Variants in FYB1 observed in about 807,000 individuals in gnomAD.
FYB1 encodes the protein FYN-binding protein 1.
In FYB1, 41 loss-of-function variants were observed where a neutral mutation model predicts 94.1. That is an observed-to-expected ratio of 0.44 (90% CI 0.34 to 0.57). The LOEUF is 0.57. Among genes scored for constraint, FYB1 ranks in the 20% least tolerant of loss-of-function variants. FYB1 has a pLI of 0.02. For missense variants in FYB1, 1,050 were observed against 976.8 expected (o/e 1.07, Z -1.00); for synonymous variants, 367 against 353.2 (o/e 1.04, Z -0.44).
chr5:39,154,569 C>T (rs376791400), intron 2 of FYB1, among the ~76,000 whole-genome samples: 2 of 150,418 alleles, frequency 1.3e-5, no homozygotes, highest in Non-Finnish European at 2.9e-5. Flanking sequence ...TGCAGCGGTG[C>T]GATCTCGGCT....
chr5:39,234,306 T>C (rs763463), intron 1 of FYB1, among the ~76,000 whole-genome samples: 1 of 151,886 alleles, frequency 6.6e-6, no homozygotes, highest in African/African-American at 2.4e-5. Flanking sequence ...TGGAGACACA[T>C]TTGTGAATCT....
chr5:39,178,214 A>G (rs977594247), intron 2 of FYB1, among the ~76,000 whole-genome samples: 18 of 152,208 alleles, frequency 1.2e-4, no homozygotes, highest in Admixed American at 6.5e-4. Context: ...ACTGTCTCAA[A>G]GACTTTATAA....
At chr5:39,219,857 T>C (rs1379096223), upstream of FYB1, among the ~76,000 whole-genome samples, 2 of 152,146 alleles carry the variant, frequency 1.3e-5, no homozygotes, top group Non-Finnish European at 2.9e-5. Flanking sequence ...CCATAATCTT[T>C]CCACACACCC....
At position 39,108,257 on chromosome 5, in the gene FYB1, C is replaced by T; in HGVS notation, c.2441G>A (p.Gly814Glu). ...ATCAGCAATATCATCATAGATCTCTCCATCACTGTAAATGTAAAAAAAAAT... is the reference window on the plus strand; with the variant it reads ...ATCAGCAATATCATCATAGATCTCTTCATCACTGTAAATGTAAAAAAAAAT... ...VLRSYLADND[G>E]EIYDDIADGC... The change falls in exon 18 of 19, where the codon GGA becomes GAA. Residue 814 changes from glycine to glutamate, a missense_variant. Gly to Glu is a moderately conservative substitution (Grantham distance 98). Coordinates refer to ENST00000512982, the MANE Select transcript of FYB1 (RefSeq NM_001465.6). 1 of 1,527,442 alleles carries T rather than the reference C, an allele frequency of 6.5e-7. No homozygotes were observed. Among genetic ancestry groups the T allele is most frequent in the Non-Finnish European group, 8.9e-7 (1 of 1,128,696 alleles). The allele number at this position is 1,527,442 out of a possible 1,614,324, so 94.6% of individuals were successfully genotyped here.
intron 2 of FYB1, among the ~76,000 whole-genome samples, chr5:39,198,698 G>A (rs923426903): frequency 6.6e-6 from 1 of 152,120 alleles, no homozygotes; most frequent in African/African-American, 2.4e-5. Flanking sequence ...GCTAATGTAA[G>A]TGTTCAGAGC....
chr5:39,252,005 A>C (rs12655814), intron 1 of FYB1, among the ~76,000 whole-genome samples: 18,235 of 151,872 alleles, frequency 0.12, 1,136 homozygotes, highest in African/African-American at 0.14. Flanking sequence ...TTTAGCCTGG[A>C]GTGGTGGCGG....
At chr5:39,212,401 C>T (rs185350176) in intron 1 of FYB1, among the ~76,000 whole-genome samples, 1 of 152,284 alleles carries the variant, frequency 6.6e-6, no homozygotes, top group East Asian at 1.9e-4. Context: ...GAAAGCTATA[C>T]ATTAGAAATG....
At chr5:39,198,458 T>C (rs568630078) in intron 2 of FYB1, among the ~76,000 whole-genome samples, 151 of 152,270 alleles carry the variant, frequency 9.9e-4, no homozygotes, top group African/African-American at 3.4e-3. Context: ...ATTTTGAAAG[T>C]CCTTTGAAAA....
intron 1 of FYB1, among the ~76,000 whole-genome samples, chr5:39,244,829 G>A (rs1485034704): frequency 1.3e-5 from 2 of 152,136 alleles, no homozygotes; most frequent in Non-Finnish European, 2.9e-5. Flanking sequence ...CCTGTTATTG[G>A]TGTATTCAGA....
intron 2 of FYB1, among the ~76,000 whole-genome samples, chr5:39,198,727 G>T (rs986320391): frequency 1.1e-4 from 17 of 152,178 alleles, no homozygotes; most frequent in Admixed American, 2.0e-4. Flanking sequence ...GGTGGGCTAG[G>T]CTAAGCTATG....
At chr5:39,130,959 GTAT>G (rs1741150733) in intron 9 of FYB1, among the ~76,000 whole-genome samples, 2 of 152,088 alleles carry the variant, frequency 1.3e-5, no homozygotes, top group Admixed American at 1.3e-4. Context: ...AGCCCCAAGG[GTAT>G]TATTATTCCA....
At chr5:39,250,912 G>A (rs969514039) in intron 1 of FYB1, 1 of 152,172 alleles carries the variant, frequency 6.6e-6, no homozygotes, top group Non-Finnish European at 1.5e-5. Flanking sequence ...ACATACAAAT[G>A]TTTTACCCTG....
At chr5:39,128,132 T>A (rs1269148397) in intron 10 of FYB1, among the ~76,000 whole-genome samples, 1 of 152,036 alleles carries the variant, frequency 6.6e-6, no homozygotes, top group Admixed American at 6.5e-5. Context: ...GATACAAATC[T>A]AGCTAACTAG....
At chr5:39,118,481 T>C (rs894465368) in intron 16 of FYB1, among the ~76,000 whole-genome samples, 1 of 152,152 alleles carries the variant, frequency 6.6e-6, no homozygotes, top group Non-Finnish European at 1.5e-5. Flanking sequence ...ATGAACAAGC[T>C]AGGGAAAAAG....
chr5:39,148,151 TTTTTTA>T (rs1440497327), intron 3 of FYB1, among the ~76,000 whole-genome samples: 4 of 58,728 alleles, frequency 6.8e-5, no homozygotes, highest in African/African-American at 3.2e-4. Flanking sequence ...ATTATATGTA[TTTTTTA>T]TATATATATA....
intron 13 of FYB1, among the ~76,000 whole-genome samples, chr5:39,122,747 C>T (rs557718075): frequency 1.3e-5 from 2 of 152,100 alleles, no homozygotes; most frequent in East Asian, 3.9e-4. Flanking sequence ...ACATTACTGG[C>T]CACTGGCAGG....
intron 2 of FYB1, among the ~76,000 whole-genome samples, chr5:39,162,869 G>A (rs1744384148): frequency 6.6e-6 from 1 of 152,056 alleles, no homozygotes; most frequent in African/African-American, 2.4e-5. Flanking sequence ...GTGAGACTGA[G>A]CATTCTTTCA....
At chr5:39,120,660 A>G (rs999901514) in intron 14 of FYB1, among the ~76,000 whole-genome samples, 14 of 152,212 alleles carry the variant, frequency 9.2e-5, no homozygotes, top group Non-Finnish European at 2.1e-4. Context: ...ATGGTAGGGA[A>G]GAGCTATAGA....
chr5:39,169,322 G>A (rs1745031458), intron 2 of FYB1: 8 of 777,948 alleles, frequency 1.0e-5, no homozygotes, highest in Non-Finnish European at 1.9e-5. Flanking sequence ...ATGCTATGGG[G>A]TATCTTTGGA....
Sources: allele counts gnomAD v4.1 joint callset (sites outside exome capture counted in the v4.1 genomes callset), GRCh38; gene constraint gnomAD v4.1.1; transcripts MANE v1.5; gene names NCBI Gene and HGNC (gene_info 2026-07-23, HGNC 2026-07-21).